The following GRK3 variants were observed in gnomAD, a reference collection of about 807,000 sequenced individuals.
GRK3 encodes adrenergic, beta, receptor kinase 2.
Under a neutral mutation model 95.7 loss-of-function variants are expected in GRK3, and 54 were observed. The observed-to-expected ratio is 0.56, with a 90% CI of 0.45 to 0.71. GRK3 has a LOEUF of 0.71. Among genes scored for constraint, GRK3 ranks in the 30% least tolerant of loss-of-function variants. The probability of loss-of-function intolerance (pLI) is 0.00; values close to 1 mark genes in which losing one functional copy is unlikely to be tolerated. For synonymous variants in GRK3, 281 were observed against 290.8 expected, an observed-to-expected ratio of 0.97 and a Z score of 0.34; for missense variants, 649 against 851.2, an observed-to-expected ratio of 0.76 and a Z score of 2.96.
In GRK3 at chr22:25,661,680, A is replaced by G. The variant is rs759105594; in HGVS notation, c.366+3A>G. On this transcript the variant is annotated splice_donor_region_variant and intron_variant, in intron 4 of 20. Transcript: ENST00000324198. Reference sequence around the variant, plus strand: ...AGGAACTTCTTTCCTGTTCACATGTAAGTATTTCTTCTTACTCTGTTACTT... The same window carrying G: ...AGGAACTTCTTTCCTGTTCACATGTGAGTATTTCTTCTTACTCTGTTACTT... 17 of 1,576,964 alleles carry G rather than the reference A, an allele frequency of 1.1e-5. No homozygotes were observed. The highest frequency in any genetic ancestry group is 1.7e-4 in the Middle Eastern group (1 of 5,880).
intron 3 of GRK3, among the ~76,000 whole-genome samples, chr22:25,646,876 C>T (rs1439875897): frequency 6.6e-6 from 1 of 151,786 alleles, no homozygotes; most frequent in Non-Finnish European, 1.5e-5. Flanking sequence ...CAAAAATTAG[C>T]CAGGTGTGGT....
chr22:25,591,946 T>C lies in GRK3; in HGVS notation c.114-12431T>C, dbSNP rs779165309. Among the ~76,000 whole-genome samples the C allele has an allele frequency of 3.9e-5, 6 of 152,352 alleles. No homozygotes were observed. In the South Asian group the frequency reaches 6.2e-4, roughly 16 times the overall value. ...CAGATAAAGCTGCTGAGAATATCCA[T>C]GTATAAATATTTGTATGGATATATG... On this transcript the variant is annotated intron_variant, in intron 1 of 20. Coordinates refer to ENST00000324198, the MANE Select transcript of GRK3 (RefSeq NM_005160.4).
chr22:25,590,681 C>A (rs140372928), intron 1 of GRK3, among the ~76,000 whole-genome samples: 1 of 152,118 alleles, frequency 6.6e-6, no homozygotes, highest in Non-Finnish European at 1.5e-5. Context: ...ATTAGCCAGG[C>A]ATGGTGGTGG....
intron 11 of GRK3, among the ~76,000 whole-genome samples, chr22:25,688,001 C>T (rs1601527481): frequency 1.3e-5 from 2 of 152,102 alleles, no homozygotes; most frequent in Admixed American, 1.3e-4. Flanking sequence ...CTTTGGGAGG[C>T]CAAGGAGGGC....
chr22:25,704,431 A>T (rs1363904868), intron 15 of GRK3, among the ~76,000 whole-genome samples: 1 of 152,194 alleles, frequency 6.6e-6, no homozygotes, highest in East Asian at 1.9e-4. Flanking sequence ...TATTTTTGAG[A>T]TGGAGTCTTG....
chr22:25,650,622 G>T (rs1420567775), intron 3 of GRK3, among the ~76,000 whole-genome samples: 1 of 152,158 alleles, frequency 6.6e-6, no homozygotes. Context: ...TTTACAAGAA[G>T]AGGGATGGAA....
chr22:25,699,702 T>C (rs1306815973), intron 13 of GRK3, among the ~76,000 whole-genome samples: 1 of 147,646 alleles, frequency 6.8e-6, no homozygotes, highest in East Asian at 1.9e-4. Context: ...TTCTTTTCTT[T>C]TTTTTTTTTT....
intron 2 of GRK3, among the ~76,000 whole-genome samples, chr22:25,642,067 C>T (rs2084747121): frequency 6.6e-6 from 1 of 152,156 alleles, no homozygotes; most frequent in African/African-American, 2.4e-5. Context: ...AAACTGACAA[C>T]ATTGAAAAAA....
At chr22:25,711,286 T>C (rs1454619458) in intron 17 of GRK3, 123 bp downstream of exon 17, 2 of 527,616 alleles carry the variant, frequency 3.8e-6, no homozygotes, top group African/African-American at 3.9e-5. Flanking sequence ...CAAATGAGTA[T>C]CAACATATTT....
chr22:25,700,441 C>G (rs2085249330), intron 13 of GRK3, among the ~76,000 whole-genome samples: 2 of 152,094 alleles, frequency 1.3e-5, no homozygotes, highest in Non-Finnish European at 2.9e-5. Flanking sequence ...TGAGGGAGAG[C>G]CTGGGCAGTG....
Position 25,685,207 on chromosome 22 carries a change from A to G in GRK3, c.785A>G (p.His262Arg). The change falls in exon 10 of 21, where the codon CAT becomes CGT. Residue 262 changes from histidine (H) to arginine (R), a missense_variant. By Grantham distance (29) the His-to-Arg change is conservative. Around this residue, in one of 3 missense-constraint regions of GRK3, gnomAD observed 61 missense variants for 126.0 expected, o/e 0.48. Coordinates refer to ENST00000324198, the MANE Select transcript of GRK3 (RefSeq NM_005160.4). ...PFIVCMTYAF[H>R]TPDKLCFILD... ...ATTGTATGTATGACCTATGCCTTCCATACCCCAGATAAACTCTGCTTCATC... is the reference window on the plus strand; with the variant it reads ...ATTGTATGTATGACCTATGCCTTCCGTACCCCAGATAAACTCTGCTTCATC... 1.2e-6 allele frequency: 2 copies of G among 1,613,754 alleles called. No homozygotes were observed. The highest frequency in any genetic ancestry group is 1.7e-6 in the Non-Finnish European group (2 of 1,179,642).
chr22:25,581,670 A>G (rs1023431639), intron 1 of GRK3, among the ~76,000 whole-genome samples: 1 of 152,198 alleles, frequency 6.6e-6, no homozygotes, highest in Non-Finnish European at 1.5e-5. Context: ...TAAGAAGGCT[A>G]TTGAAAGGAG....
chr22:25,659,807 G>C (rs2084898293), intron 3 of GRK3, among the ~76,000 whole-genome samples: 1 of 152,172 alleles, frequency 6.6e-6, no homozygotes, highest in Non-Finnish European at 1.5e-5. Flanking sequence ...GAGCTTAGAA[G>C]GCACAAGGCT....
At chr22:25,686,711 C>T (rs942284169) in intron 10 of GRK3, among the ~76,000 whole-genome samples, 3 of 152,176 alleles carry the variant, frequency 2.0e-5, no homozygotes, top group African/African-American at 7.2e-5. Context: ...TGAAAAATTT[C>T]AAGCAGATAG....
rs528738686 is a variant in GRK3, at chr22:25,567,372, GAGATTATC to G, written c.113+2222_113+2229del. On this transcript the variant is annotated intron_variant, in intron 1 of 20. Transcript: ENST00000324198. ...TGCTGTGTTAGGATTCTGTTACATT[GAGATTATC>G]AGGTATAACATCTTGCAAAATTCTC... Among the ~76,000 whole-genome samples the G allele has an allele frequency of 1.7e-3, 264 of 152,260 alleles. 1 individual carries two copies. The highest frequency in any genetic ancestry group is 6.8e-3 in the Middle Eastern group (2 of 294).
chr22:25,665,891 C>T lies in GRK3; in HGVS notation c.442-1848C>T, dbSNP rs550797736. Among the ~76,000 whole-genome samples, 11 of 152,272 alleles carry T rather than the reference C, an allele frequency of 7.2e-5. No individual in the cohort carries two copies. In the South Asian group the frequency reaches 1.9e-3, roughly 26 times the overall value. On this transcript the variant is annotated intron_variant, in intron 5 of 20. Transcript: ENST00000324198. ...TTTAGAGGTAAGTAAGTGCATAGGT[C>T]CATTGGTGGCGGGCTTGGGAGGGGC...
intron 1 of GRK3, among the ~76,000 whole-genome samples, chr22:25,573,990 A>G (rs112601777): frequency 0.018 from 2,762 of 152,286 alleles, 40 homozygotes; most frequent in Non-Finnish European, 0.026. Flanking sequence ...AAAACCCATA[A>G]AATCCCATTG....
intron 2 of GRK3, among the ~76,000 whole-genome samples, chr22:25,635,300 C>G (rs1174083371): frequency 6.6e-6 from 1 of 152,140 alleles, no homozygotes; most frequent in Admixed American, 6.5e-5. Context: ...TTAGAGACAT[C>G]ACTCCTCTTG....
intron 6 of GRK3, among the ~76,000 whole-genome samples, chr22:25,671,443 T>G (rs1322168517): frequency 6.6e-6 from 1 of 152,200 alleles, no homozygotes; most frequent in African/African-American, 2.4e-5. Flanking sequence ...GGATATATCT[T>G]TTTCCTCATG....
Sources: allele counts gnomAD v4.1 joint callset (sites outside exome capture counted in the v4.1 genomes callset), GRCh38; gene constraint gnomAD v4.1.1; regional missense constraint gnomAD v4.1.1; transcripts MANE v1.5; gene names NCBI Gene and HGNC (gene_info 2026-07-23, HGNC 2026-07-21).